KCNH2: variants seen among roughly 807,000 people sequenced by gnomAD.
KCNH2 encodes potassium voltage-gated channel subfamily H member 2.
KCNH2 carries 35 observed loss-of-function variants against 95.9 expected under a neutral mutation model. That is an observed-to-expected ratio of 0.37 (90% confidence interval 0.28 to 0.48). KCNH2 has a LOEUF of 0.48. Among genes scored for constraint, KCNH2 ranks in the 20% least tolerant of loss-of-function variants. The pLI, the probability that KCNH2 is intolerant of heterozygous loss-of-function variation, is 0.99. For synonymous variants in KCNH2, 786 were observed against 754.7 expected, an observed-to-expected ratio of 1.04 and a Z score of -0.68; for missense variants, 1,274 against 1,702.9, an observed-to-expected ratio of 0.75 and a Z score of 4.43.
intron 2 of KCNH2, among the ~76,000 whole-genome samples, chr7:150,972,210 C>G (rs888506711): frequency 6.6e-6 from 1 of 152,272 alleles, no homozygotes; most frequent in Non-Finnish European, 1.5e-5. Flanking sequence ...GGCACCAACA[C>G]AGCACAGCTG....
intron 7 of KCNH2, 94 bp downstream of exon 7, chr7:150,951,354 G>GA (rs397688037): frequency 3.8e-5 from 58 of 1,515,006 alleles, no homozygotes; most frequent in Middle Eastern, 4.6e-4. Flanking sequence ...AAGTTCCAGG[G>GA]CCTCACTCTG....
In KCNH2 at chr7:150,977,908, C is replaced by T. The variant is rs976831436; in HGVS notation, c.6G>A (p.Pro2=). The T allele has an allele frequency of 1.9e-6, 3 of 1,604,388 alleles. No individual in the cohort carries two copies. The highest frequency in any genetic ancestry group is 2.7e-5 in the African/African-American group (2 of 74,232). ...GCGGCGCGACGTGGCCCCTCCGCAC[C>T]GGCATCCTGAGCCCATGGGCGGGCC... The part of the protein sequence containing the change: M[P]VRRGHVAPQN... The change falls in exon 1 of 15, where the codon CCG becomes CCA. Residue 2 remains proline (P), a synonymous_variant. Coordinates refer to ENST00000262186, the MANE Select transcript of KCNH2 (RefSeq NM_000238.4).
In KCNH2 at chr7:150,945,655, T is replaced by A; in HGVS notation, c.3331-141A>T. The A allele has an allele frequency of 1.1e-6, 1 of 901,876 alleles. No individual in the cohort carries two copies. The highest frequency in any genetic ancestry group is 1.8e-6 in the Non-Finnish European group (1 of 568,264). The allele number at this position is 901,876 out of a possible 1,614,324, so 55.9% of individuals were successfully genotyped here. The stretch of plus-strand genomic sequence containing the variant: ...AGGAGAGTCAGGTGGGCAGAGAAGC[T>A]GGAGGGGACAAGAGCCAAGGCAGCG... On this transcript the variant is annotated intron_variant, in intron 14 of 14. Coordinates refer to ENST00000262186, the MANE Select transcript of KCNH2 (RefSeq NM_000238.4). The surrounding 1 kb of genome is among the most constrained non-coding windows in gnomAD (Gnocchi z 5.6).
intron 13 of KCNH2, 64 bp downstream of exon 13, chr7:150,947,264 A>C: frequency 7.2e-7 from 1 of 1,385,738 alleles, no homozygotes; most frequent in Non-Finnish European, 9.8e-7. Flanking sequence ...TCTACCAGAC[A>C]ACACCGCCAG....
At chr7:150,974,611 G>GCCCCCCCCCCCCCC in intron 2 of KCNH2, 100 bp downstream of exon 2, 1 of 795,738 alleles carries the variant, frequency 1.3e-6, no homozygotes, top group Non-Finnish European at 1.9e-6. Context: ...TTCTCCAGCC[G>GCCCCCCCCCCCCCC]CCCCCACACC....
chr7:150,974,169 G>A (rs1365222927), intron 2 of KCNH2, among the ~76,000 whole-genome samples: 1 of 152,108 alleles, frequency 6.6e-6, no homozygotes, highest in African/African-American at 2.4e-5. Context: ...GGAGAGGCAC[G>A]CACCTCCCCC....
intron 2 of KCNH2, among the ~76,000 whole-genome samples, chr7:150,964,867 G>A (rs562983460): frequency 7.9e-5 from 12 of 152,282 alleles, no homozygotes; most frequent in African/African-American, 2.4e-4. Flanking sequence ...TGGTGGCGGC[G>A]ACAGGAAGAT....
chr7:150,945,550 C>T lies in KCNH2; in HGVS notation c.3331-36G>A, dbSNP rs1390494349. 1 of 1,553,242 alleles carries T rather than the reference C, an allele frequency of 6.4e-7. No homozygotes were observed. Among genetic ancestry groups the T allele is most frequent in the Admixed American group, 2.0e-5 (1 of 51,202 alleles). ...CACAGAGCATGGGCAGGCGAAGAGG[C>T]CATGGAGGAGGAGGAAGGGGAGGGA... On this transcript the variant is annotated intron_variant, in intron 14 of 14. Coordinates refer to ENST00000262186, the MANE Select transcript of KCNH2 (RefSeq NM_000238.4). This position sits in a 1 kb window ranked among gnomAD's most constrained non-coding sequence, Gnocchi z 5.6.
At chr7:150,977,435 T>G (rs1247683493) in intron 1 of KCNH2, among the ~76,000 whole-genome samples, 1 of 152,160 alleles carries the variant, frequency 6.6e-6, no homozygotes, top group Non-Finnish European at 1.5e-5. Flanking sequence ...AAGACCAGTG[T>G]GCGCGCTGGA....
At chr7:150,955,656 T>C (rs1186087682) in intron 5 of KCNH2, 2 of 1,407,066 alleles carry the variant, frequency 1.4e-6, no homozygotes, top group African/African-American at 1.5e-5. Flanking sequence ...GCCAGGGTGG[T>C]TGTGGCTGGG....
In KCNH2 at chr7:150,950,290, T is replaced by C. The variant is rs1225877255; in HGVS notation, c.2276A>G (p.Lys759Arg). The change falls in exon 9 of 15, where the codon AAG (lysine) becomes AGG (arginine). Residue 759 changes from lysine to arginine, a missense_variant. Transcript: ENST00000262186. ...GCLRALAMKF[K>R]TTHAPPGDTL... ...GTCCCCTGGCGGTGCATGTGTGGTC[T>C]TGAACTTCATGGCCAGGGCCCGAAG... The C allele has an allele frequency of 1.9e-6, 3 of 1,613,742 alleles. No individual in the cohort carries two copies. Among genetic ancestry groups the C allele is most frequent in the African/African-American group, 2.7e-5 (2 of 74,900 alleles).
intron 2 of KCNH2, among the ~76,000 whole-genome samples, chr7:150,963,722 G>A (rs978940342): frequency 6.6e-6 from 1 of 152,158 alleles, no homozygotes; most frequent in African/African-American, 2.4e-5. Flanking sequence ...ACCCATGGAC[G>A]CAACCATCCC....
Position 150,961,840 on chromosome 7 carries a change from A to G in KCNH2, c.308-2104T>C, listed in dbSNP as rs910570553. Among the ~76,000 whole-genome samples the G allele has an allele frequency of 6.6e-6, 1 of 152,118 alleles. No individual in the cohort carries two copies. Among genetic ancestry groups the G allele is most frequent in the African/African-American group, 2.4e-5 (1 of 41,410 alleles). On this transcript the variant is annotated intron_variant, in intron 2 of 14. Transcript: ENST00000262186. The surrounding 1 kb of genome is among the most constrained non-coding windows in gnomAD (Gnocchi z 6.2). ...AGGCCAGGTGGGAAGGGCCTGATGC[A>G]TGGCAGATGCTGGCCAGGCTCGGGG...
chr7:150,955,633 C>T, intron 5 of KCNH2: 2 of 1,426,136 alleles, frequency 1.4e-6, no homozygotes, highest in Non-Finnish European at 1.8e-6. Context: ...ACCAGAGCAG[C>T]CCCTGGCATG....
At position 150,962,269 on chromosome 7, in the gene KCNH2, AG is replaced by A. The variant is rs1801586519; in HGVS notation, c.308-2534del. On this transcript the variant is annotated intron_variant, in intron 2 of 14. Coordinates refer to ENST00000262186, the MANE Select transcript of KCNH2 (RefSeq NM_000238.4). The surrounding 1 kb of genome is among the most constrained non-coding windows in gnomAD (Gnocchi z 5.7). ...CTGGAGACCAGGAAGCCTTAGCCCA[AG>A]AGACCCCAGCACCCACCCCAGGGAC... 6.6e-6 allele frequency among the ~76,000 whole-genome samples: 1 copy of A among 152,228 alleles called. No individual in the cohort carries two copies. Among genetic ancestry groups the A allele is most frequent in the African/African-American group, 2.4e-5 (1 of 41,462 alleles).
At position 150,977,722 on chromosome 7, in the gene KCNH2, C is replaced by T. The variant is rs1244325451; in HGVS notation, c.76+116G>A. The T allele has an allele frequency of 1.1e-5, 9 of 833,888 alleles. 1 individual carries two copies. The highest frequency in any genetic ancestry group is 1.7e-5 in the Non-Finnish European group (9 of 537,712). 51.7% of individuals were successfully genotyped at this position (833,888 alleles called of 1,614,324 possible). On this transcript the variant is annotated intron_variant, in intron 1 of 14. Coordinates refer to ENST00000262186, the MANE Select transcript of KCNH2 (RefSeq NM_000238.4). The stretch of plus-strand genomic sequence containing the variant: ...CGCCAAAGCCTGGGGCCCACCAGGC[C>T]CCATTGACTCGCACTTGCCGACGCA...
At chr7:150,975,385 T>G (rs1801957080) in intron 1 of KCNH2, among the ~76,000 whole-genome samples, 1 of 152,162 alleles carries the variant, frequency 6.6e-6, no homozygotes, top group South Asian at 2.1e-4. Flanking sequence ...TTAATTTCCC[T>G]GCTCTCCAGA....
intron 2 of KCNH2, among the ~76,000 whole-genome samples, chr7:150,966,065 G>A (rs1212619095): frequency 6.6e-6 from 1 of 152,202 alleles, no homozygotes; most frequent in Non-Finnish European, 1.5e-5. Flanking sequence ...GGAACCCAAG[G>A]GAAGGCGGCA....
At position 150,949,036 on chromosome 7, in the gene KCNH2, G is replaced by T. The variant is rs551139237; in HGVS notation, c.2412C>A (p.Ile804=). Residue 804 remains isoleucine (I), a synonymous_variant, in exon 10 of 15, where the codon ATC becomes ATA. Transcript: ENST00000262186. ...CATACAGGTTCAGAGGCTCCCCAAA[G>T]ATGTCATTCTTCCCTGGAGGCCATG... ...VVVAILGKND[I]FGEPLNLYAR... is the part of the protein sequence containing the mutation. 76 of 1,614,128 alleles carry T rather than the reference G, an allele frequency of 4.7e-5. No individual in the cohort carries two copies. In the South Asian group the frequency reaches 7.9e-4, roughly 17 times the overall value.
Sources: gnomAD v4.1 joint callset for allele counts (sites outside exome capture counted in the v4.1 genomes callset) on GRCh38, gnomAD v4.1.1 for gene constraint, Gnocchi (gnomAD v3.1) non-coding constraint, MANE v1.5 for transcripts, NCBI Gene and HGNC (gene_info 2026-07-23, HGNC 2026-07-21) for gene names.